Variants in COL20A1 observed in about 807,000 individuals in gnomAD.
COL20A1 encodes the protein collagen alpha-1(XX) chain.
COL20A1 carries 164 observed loss-of-function variants against 152.9 expected under a neutral mutation model. That is an observed-to-expected ratio of 1.07 (90% CI 0.94 to 1.22). COL20A1 has a LOEUF of 1.22. Ranked by LOEUF, COL20A1 falls within the 50% of genes most tolerant of loss-of-function variation. The probability of loss-of-function intolerance (pLI) is 0.00; values close to 1 mark genes in which losing one functional copy is unlikely to be tolerated. For synonymous variants in COL20A1, 864 were observed against 756.0 expected (o/e 1.14, Z -2.34); for missense variants, 1,873 against 1,744.8 (o/e 1.07, Z -1.31).
intron 20 of COL20A1, among the ~76,000 whole-genome samples, chr20:63,315,943 CT>C (rs558481918): frequency 1.5e-3 from 228 of 152,336 alleles, no homozygotes; most frequent in Non-Finnish European, 2.5e-3. Flanking sequence ...GGATTTCGCC[CT>C]TCACTTTGTA....
intron 1 of COL20A1, among the ~76,000 whole-genome samples, chr20:63,294,173 G>C (rs1270199024): frequency 6.1e-4 from 2 of 3,290 alleles, no homozygotes; most frequent in Admixed American, 2.1e-3. Context: ...AGGGGAGTGC[G>C]GGGGAGGGGG....
chr20:63,309,716 C>A (rs762209765), intron 9 of COL20A1, 42 bp from the exon 10 acceptor site: 1 of 1,503,110 alleles, frequency 6.7e-7, no homozygotes. Flanking sequence ...CACAGCTGCC[C>A]GTGCAGTGAC....
At chr20:63,312,110 T>C (rs2068016887) in intron 14 of COL20A1, 55 bp downstream of exon 14, 1 of 1,492,190 alleles carries the variant, frequency 6.7e-7, no homozygotes, top group Non-Finnish European at 8.9e-7. Flanking sequence ...CAGGGCCCTG[T>C]CTGGCAGGCA....
intron 2 of COL20A1, among the ~76,000 whole-genome samples, chr20:63,296,876 G>T (rs1458974818): frequency 6.6e-6 from 1 of 151,626 alleles, no homozygotes; most frequent in Non-Finnish European, 1.5e-5. Flanking sequence ...CCAGCTTTCC[G>T]GGGGGCAGCC....
intron 3 of COL20A1, among the ~76,000 whole-genome samples, chr20:63,302,573 G>A (rs765670404): frequency 5.9e-5 from 9 of 152,066 alleles, no homozygotes; most frequent in Non-Finnish European, 1.0e-4. Flanking sequence ...CACCTGCCTC[G>A]GCCTCCCAAA....
In COL20A1 at chr20:63,316,696, G is replaced by A. The variant is rs1238826375; in HGVS notation, c.2663+5G>A. ...CCAGCTGACAAGACGGGTCAGGTGTGAGGGCAAGGGCTGGGGTGGAGCTGG... is the reference window on the plus strand; with the variant it reads ...CCAGCTGACAAGACGGGTCAGGTGTAAGGGCAAGGGCTGGGGTGGAGCTGG... On this transcript the variant is annotated splice_donor_5th_base_variant and intron_variant, in intron 21 of 35. Coordinates refer to ENST00000358894, the MANE Select transcript of COL20A1 (RefSeq NM_020882.4). The A allele has an allele frequency of 1.3e-6, 2 of 1,545,614 alleles. No individual in the cohort carries two copies. Among genetic ancestry groups the A allele is most frequent in the Admixed American group, 2.0e-5 (1 of 50,164 alleles).
chr20:63,313,737 G>C lies in COL20A1; in HGVS notation c.2210-6G>C. Reference sequence around the variant, plus strand: ...TGAGCCCCACACAACCCATGCTCTCGGCCAGCCACGGTGAGCAGGAGCCCA... The same window carrying C: ...TGAGCCCCACACAACCCATGCTCTCCGCCAGCCACGGTGAGCAGGAGCCCA... On this transcript the variant is annotated splice_region_variant and splice_polypyrimidine_tract_variant and intron_variant, in intron 17 of 35. Coordinates refer to ENST00000358894, the MANE Select transcript of COL20A1 (RefSeq NM_020882.4). The surrounding 1 kb of genome is among the most constrained non-coding windows in gnomAD (Gnocchi z 5.9). 1 of 1,574,620 alleles carries C rather than the reference G, an allele frequency of 6.4e-7. No individual in the cohort carries two copies. Among genetic ancestry groups the C allele is most frequent in the Non-Finnish European group, 8.6e-7 (1 of 1,163,516 alleles).
chr20:63,314,787 C>T (rs943691277), intron 19 of COL20A1, among the ~76,000 whole-genome samples: 6 of 152,014 alleles, frequency 3.9e-5, no homozygotes, highest in Non-Finnish European at 8.8e-5. Flanking sequence ...CCTGCCCGCA[C>T]ACCAGGCATC....
At chr20:63,296,324 A>T (rs1171011212) in intron 2 of COL20A1, among the ~76,000 whole-genome samples, 1 of 152,270 alleles carries the variant, frequency 6.6e-6, no homozygotes, top group African/African-American at 2.4e-5. Flanking sequence ...CTACAGAAAC[A>T]ACTTGAGTTT....
chr20:63,321,998 T>C, intron 26 of COL20A1, 60 bp from the exon 27 acceptor site: 1 of 1,428,538 alleles, frequency 7.0e-7, no homozygotes, highest in Non-Finnish European at 9.4e-7. Flanking sequence ...GGGGCTGGTC[T>C]TTGCTCCTCT....
rs2068055324 is a variant in COL20A1, at chr20:63,314,198, A to G, written c.2485A>G (p.Thr829Ala). Reference protein sequence around the residue: ...RSEAVSATGQTACPALRPDGS... With the variant: ...RSEAVSATGQAACPALRPDGS... ...TGAGGCTGTGTCTGCCACGGGCCAG[A>G]CAGGTGAGTGGGCACCAAGACCCCA... The change falls in exon 19 of 36, where the codon ACA (threonine) becomes GCA (alanine). Residue 829 changes from threonine to alanine, a missense_variant. Transcript: ENST00000358894. 2 of 1,558,550 alleles carry G rather than the reference A, an allele frequency of 1.3e-6. No individual in the cohort carries two copies. Among genetic ancestry groups the G allele is most frequent in the Non-Finnish European group, 1.7e-6 (2 of 1,151,426 alleles).
In COL20A1 at chr20:63,326,746, A is replaced by AT. The variant is rs748231870; in HGVS notation, c.3457-5dup. 3.4e-6 allele frequency: 5 copies of AT among 1,455,180 alleles called. No homozygotes were observed. The East Asian group carries it at 1.4e-4, about 41-fold the overall frequency. The allele number at this position is 1,455,180 out of a possible 1,614,324, so 90.1% of individuals were successfully genotyped here. On this transcript the variant is annotated splice_polypyrimidine_tract_variant and splice_region_variant and intron_variant, in intron 30 of 35. Transcript: ENST00000358894. Reference sequence around the variant, plus strand: ...AAGCCAAACCCTGACTTCTGTGTCTATGCAGGGGTTCCAGGGCATGGCAGG... The same window carrying AT: ...AAGCCAAACCCTGACTTCTGTGTCTATTGCAGGGGTTCCAGGGCATGGCAGG...
At chr20:63,320,803 C>G (rs560819351) in intron 25 of COL20A1, among the ~76,000 whole-genome samples, 1 of 152,248 alleles carries the variant, frequency 6.6e-6, no homozygotes, top group South Asian at 2.1e-4. Flanking sequence ...AGGGTGGGAA[C>G]CCAGGGCCGG....
intron 34 of COL20A1, 110 bp from the exon 35 acceptor site, chr20:63,329,475 G>A: frequency 1.2e-6 from 1 of 812,524 alleles, no homozygotes; most frequent in Admixed American, 2.1e-5. Flanking sequence ...CTAAGGACCA[G>A]ACCTGCTGCC....
intron 8 of COL20A1, among the ~76,000 whole-genome samples, chr20:63,308,923 GAACCACCCC>G (rs1278251815): frequency 6.6e-6 from 1 of 152,150 alleles, no homozygotes; most frequent in Non-Finnish European, 1.5e-5. Context: ...GCCCTCCGTG[GAACCACCCC>G]AACCCTCCCC....
At position 63,305,706 on chromosome 20, in the gene COL20A1, G is replaced by A. The variant is rs6090354; in HGVS notation, c.337+146G>A. 2 of 1,147,404 alleles carry A rather than the reference G, an allele frequency of 1.7e-6. No individual in the cohort carries two copies. The highest frequency in any genetic ancestry group is 3.1e-5 in the South Asian group (2 of 64,688). The allele number at this position is 1,147,404 out of a possible 1,614,324, so 71.1% of individuals were successfully genotyped here. Reference sequence around the variant, plus strand: ...GCAGTTCTGGGCTGTGCTAGGGGCAGGTTCAAGTCCCGACTCACCAGCAAG... The same window carrying A: ...GCAGTTCTGGGCTGTGCTAGGGGCAAGTTCAAGTCCCGACTCACCAGCAAG... On this transcript the variant is annotated intron_variant, in intron 4 of 35. Transcript: ENST00000358894. The surrounding 1 kb of genome is among the most constrained non-coding windows in gnomAD (Gnocchi z 4.9).
rs1020492985 is a variant in COL20A1 at position 63,316,814 on chromosome 20, G to A, written c.2663+123G>A. The A allele has an allele frequency of 8.6e-5, 80 of 934,252 alleles. 1 individual carries two copies. The highest frequency in any genetic ancestry group is 6.7e-4 in the African/African-American group (40 of 59,434). The allele number at this position is 934,252 out of a possible 1,614,324, so 57.9% of individuals were successfully genotyped here. ...CCTGGAGGCTGTGGGACAGGGCAGC[G>A]CTGCTATGTCAGCAAACGGCTGACT... On this transcript the variant is annotated intron_variant, in intron 21 of 35. Coordinates refer to ENST00000358894, the MANE Select transcript of COL20A1 (RefSeq NM_020882.4).
chr20:63,319,291 C>T lies in COL20A1; in HGVS notation c.2806+91C>T. The T allele has an allele frequency of 1.4e-6, 2 of 1,391,850 alleles. No individual in the cohort carries two copies. Among genetic ancestry groups the T allele is most frequent in the East Asian group, 2.4e-5 (1 of 40,970 alleles). 86.2% of individuals were successfully genotyped at this position (1,391,850 alleles called of 1,614,324 possible). A position where few individuals can be genotyped will look rare whatever the true frequency, so the allele number is the denominator to read the frequency against. ...TGGGAGGCCTTCAGAGGAAGTCCAG[C>T]CTCCAGGCCAGGCCCTCAGCACCCT... On this transcript the variant is annotated intron_variant, in intron 22 of 35. Coordinates refer to ENST00000358894, the MANE Select transcript of COL20A1 (RefSeq NM_020882.4). This position sits in a 1 kb window ranked among gnomAD's most constrained non-coding sequence, Gnocchi z 4.4.
intron 5 of COL20A1, among the ~76,000 whole-genome samples, 168 bp from the exon 6 acceptor site, chr20:63,307,322 G>T (rs1045187188): frequency 3.3e-5 from 5 of 152,246 alleles, no homozygotes; most frequent in African/African-American, 1.2e-4. Flanking sequence ...AGCCGTGCCG[G>T]TGTGGGGCTG....
Sources: gnomAD v4.1 joint callset for allele counts (sites outside exome capture counted in the v4.1 genomes callset) on GRCh38, gnomAD v4.1.1 for gene constraint, Gnocchi (gnomAD v3.1) non-coding constraint, MANE v1.5 for transcripts, NCBI Gene and HGNC (gene_info 2026-07-23, HGNC 2026-07-21) for gene names.